The following MAGI3 variants were observed in gnomAD, a reference collection of about 807,000 sequenced individuals.
MAGI3 encodes the protein membrane-associated guanylate kinase, WW and PDZ domain-containing protein 3.
In MAGI3, 43 loss-of-function variants were observed where a neutral mutation model predicts 121.8. The ratio of observed to expected loss-of-function variants is 0.35; its 90% CI spans 0.28 to 0.46. The LOEUF (loss-of-function observed/expected upper bound fraction) is 0.46, where lower values mean the gene tolerates loss of function less well. MAGI3 is among the 20% of genes least tolerant of loss of function. The pLI is 1.00. For missense variants in MAGI3, 1,547 were observed against 1,797.3 expected, an observed-to-expected ratio of 0.86 and a Z score of 2.52; for synonymous variants, 553 against 639.3, an observed-to-expected ratio of 0.86 and a Z score of 2.04.
chr1:113,637,961 T>C (rs1439019530), intron 9 of MAGI3, among the ~76,000 whole-genome samples: 3 of 152,204 alleles, frequency 2.0e-5, no homozygotes, highest in Non-Finnish European at 4.4e-5. Flanking sequence ...ACTTCCCTTC[T>C]CGCTTCATTT....
chr1:113,623,494 A>ATTTT (rs1650999029), intron 9 of MAGI3, among the ~76,000 whole-genome samples: 1 of 35,176 alleles, frequency 2.8e-5, no homozygotes, highest in African/African-American at 1.1e-4. Context: ...ACACATATAT[A>ATTTT]TATTTTTTTT....
intron 1 of MAGI3, among the ~76,000 whole-genome samples, chr1:113,461,485 A>G (rs1312089122): frequency 6.6e-6 from 1 of 152,220 alleles, no homozygotes; most frequent in African/African-American, 2.4e-5. Context: ...AAGACTCCCT[A>G]TTCAATAAAT....
At chr1:113,505,704 A>C (rs1023987249) in intron 1 of MAGI3, among the ~76,000 whole-genome samples, 1 of 152,172 alleles carries the variant, frequency 6.6e-6, no homozygotes, top group Non-Finnish European at 1.5e-5. Flanking sequence ...GGTGAATTTG[A>C]CAAAAGAGCT....
intron 1 of MAGI3, among the ~76,000 whole-genome samples, chr1:113,447,662 T>C (rs1430589384): frequency 6.6e-6 from 1 of 152,188 alleles, no homozygotes; most frequent in Non-Finnish European, 1.5e-5. Flanking sequence ...GAGACCAACC[T>C]GGCCAAAATT....
At chr1:113,641,055 T>TATAA (rs1390880272) in intron 9 of MAGI3, among the ~76,000 whole-genome samples, 1 of 80,652 alleles carries the variant, frequency 1.2e-5, no homozygotes. Context: ...ATATGATATA[T>TATAA]TATATATGAT....
At chr1:113,424,196 C>T (rs762309989) in intron 1 of MAGI3, among the ~76,000 whole-genome samples, 5 of 150,044 alleles carry the variant, frequency 3.3e-5, no homozygotes, top group African/African-American at 1.2e-4. Context: ...CAGCCACCCC[C>T]GCCGCCTGCC....
intron 15 of MAGI3, among the ~76,000 whole-genome samples, chr1:113,657,089 C>G (rs1653515794): frequency 1.3e-5 from 2 of 152,152 alleles, no homozygotes; most frequent in South Asian, 4.1e-4. Flanking sequence ...TTTAAGAGCA[C>G]TAAAGTGATC....
At chr1:113,620,182 T>C (rs574838396) in intron 8 of MAGI3, among the ~76,000 whole-genome samples, 1 of 152,310 alleles carries the variant, frequency 6.6e-6, no homozygotes, top group Non-Finnish European at 1.5e-5. Context: ...ATTGCTTAAG[T>C]ATGGTATCTG....
chr1:113,643,798 T>C (rs780207797), intron 11 of MAGI3, 24 bp downstream of exon 11: 2 of 1,609,102 alleles, frequency 1.2e-6, no homozygotes, highest in South Asian at 2.2e-5. Context: ...GGTCCTCAAA[T>C]CTTTTCCCCA....
chr1:113,521,266 A>G lies in MAGI3; in HGVS notation c.317-28249A>G, dbSNP rs1658181241. On this transcript the variant is annotated intron_variant, in intron 1 of 20. Coordinates refer to ENST00000307546, the MANE Select transcript of MAGI3 (RefSeq NM_001142782.2). ...ACACTCAGCTAATTTTTATATTTTT[A>G]GTAGAGACAGGGTTTCACCATGTTG... 2.0e-5 allele frequency among the ~76,000 whole-genome samples: 3 copies of G among 149,374 alleles called. No individual in the cohort carries two copies. In the South Asian group the frequency reaches 6.3e-4, roughly 32 times the overall value.
At chr1:113,578,659 T>A (rs1647810949) in intron 2 of MAGI3, among the ~76,000 whole-genome samples, 1 of 152,174 alleles carries the variant, frequency 6.6e-6, no homozygotes, top group Non-Finnish European at 1.5e-5. Flanking sequence ...TAATGTTAAC[T>A]TTTATTTAAT....
intron 1 of MAGI3, among the ~76,000 whole-genome samples, chr1:113,465,271 AT>A (rs59642011): frequency 0.021 from 3,265 of 152,182 alleles, 137 homozygotes; most frequent in African/African-American, 0.075. Context: ...TCTTTTCCCC[AT>A]TGTATGTTCT....
intron 1 of MAGI3, chr1:113,450,797 C>T: frequency 5.2e-6 from 4 of 768,968 alleles, no homozygotes; most frequent in Non-Finnish European, 9.4e-6. Flanking sequence ...AGGAAAACTG[C>T]AGCTTACTTT....
At position 113,576,590 on chromosome 1, in the gene MAGI3, G is replaced by C. The variant is rs563848603; in HGVS notation, c.434-3952G>C. On this transcript the variant is annotated intron_variant, in intron 2 of 20. Coordinates refer to ENST00000307546, the MANE Select transcript of MAGI3 (RefSeq NM_001142782.2). ...GTGTTGCTGGGAGCTGCAGACCAGA[G>C]CTTTTCCTATTTGGGCATCTTGCCA... is the stretch of plus-strand genomic sequence containing the variant. Among the ~76,000 whole-genome samples the C allele has an allele frequency of 5.9e-4, 90 of 152,304 alleles. 1 individual carries two copies. Among genetic ancestry groups the C allele is most frequent in the African/African-American group, 1.9e-3 (78 of 41,568 alleles).
chr1:113,632,865 G>A (rs777472415), intron 9 of MAGI3, among the ~76,000 whole-genome samples: 7 of 151,692 alleles, frequency 4.6e-5, no homozygotes, highest in Non-Finnish European at 8.8e-5. Context: ...AAAGTACATT[G>A]TTAGCAATGG....
intron 7 of MAGI3, 128 bp from the exon 8 acceptor site, chr1:113,619,608 C>T (rs766671655): frequency 6.5e-5 from 40 of 619,718 alleles, no homozygotes; most frequent in Non-Finnish European, 9.5e-5. Flanking sequence ...TCAGTCTCTC[C>T]ATGTTCCATA....
At chr1:113,640,532 T>C (rs1570983865) in intron 9 of MAGI3, among the ~76,000 whole-genome samples, 3 of 152,250 alleles carry the variant, frequency 2.0e-5, no homozygotes, top group South Asian at 4.1e-4. Flanking sequence ...ATATACACTA[T>C]GGAATACTAT....
chr1:113,515,739 C>G (rs1000174342), intron 1 of MAGI3, among the ~76,000 whole-genome samples: 1 of 152,038 alleles, frequency 6.6e-6, no homozygotes, highest in Non-Finnish European at 1.5e-5. Context: ...AAAACAAACT[C>G]ATAGTTCTTG....
intron 9 of MAGI3, among the ~76,000 whole-genome samples, chr1:113,623,417 A>G (rs1650971889): frequency 6.7e-6 from 1 of 150,302 alleles, no homozygotes; most frequent in African/African-American, 2.5e-5. Context: ...ATATATACAC[A>G]CACATATATA....
Sources: allele counts gnomAD v4.1 joint callset (sites outside exome capture counted in the v4.1 genomes callset), GRCh38; gene constraint gnomAD v4.1.1; transcripts MANE v1.5; gene names NCBI Gene and HGNC (gene_info 2026-07-23, HGNC 2026-07-21).